DTNBP1: variants seen among roughly 807,000 people sequenced by gnomAD.
DTNBP1 encodes dysbindin.
DTNBP1 carries 35 observed loss-of-function variants against 42.8 expected under a neutral mutation model. The ratio of observed to expected loss-of-function variants is 0.82; its 90% CI spans 0.63 to 1.09. The LOEUF (loss-of-function observed/expected upper bound fraction) is 1.09. Among genes scored for constraint, DTNBP1 ranks in the 50% least tolerant of loss-of-function variants. The pLI, the probability that DTNBP1 is intolerant of heterozygous loss-of-function variation, is 0.00. For missense variants in DTNBP1, 457 were observed against 424.2 expected, an observed-to-expected ratio of 1.08 and a Z score of -0.68; for synonymous variants, 171 against 162.2, an observed-to-expected ratio of 1.05 and a Z score of -0.41.
chr6:15,627,278 C>A lies in DTNBP1; in HGVS notation c.355+65G>T, dbSNP rs1759402206. 5.6e-6 allele frequency: 9 copies of A among 1,597,210 alleles called. No homozygotes were observed. In the South Asian group the frequency reaches 7.8e-5, roughly 14 times the overall value. On this transcript the variant is annotated intron_variant, in intron 5 of 9. Transcript: ENST00000344537. ...GTGTTCCTGAAAAGCTCTGAAATTA[C>A]ACCAAACCCTGCCCAAGTTGTTTTC...
At chr6:15,565,946 A>C (rs185782886) in intron 7 of DTNBP1, among the ~76,000 whole-genome samples, 1 of 152,246 alleles carries the variant, frequency 6.6e-6, no homozygotes. Context: ...GGAGAAATAC[A>C]GAGTACTCTG....
chr6:15,584,849 C>T (rs1775996624), intron 7 of DTNBP1, among the ~76,000 whole-genome samples: 1 of 147,648 alleles, frequency 6.8e-6, no homozygotes, highest in Non-Finnish European at 1.5e-5. Flanking sequence ...AAAAATTATT[C>T]CTCAGTTACC....
chr6:15,603,821 T>A (rs1330477766), intron 6 of DTNBP1, among the ~76,000 whole-genome samples: 1 of 152,202 alleles, frequency 6.6e-6, no homozygotes, highest in Non-Finnish European at 1.5e-5. Flanking sequence ...GTCCGACTAT[T>A]GGGAAGAGGC....
chr6:15,581,217 T>TG (rs1775815503), intron 7 of DTNBP1, among the ~76,000 whole-genome samples: 1 of 152,244 alleles, frequency 6.6e-6, no homozygotes, highest in African/African-American at 2.4e-5. Context: ...TCTCACTCTG[T>TG]GGCCTAGGCT....
At chr6:15,615,539 G>T in intron 5 of DTNBP1, 140 bp from the exon 6 acceptor site, 1 of 1,126,520 alleles carries the variant, frequency 8.9e-7, no homozygotes, top group Non-Finnish European at 1.3e-6. Flanking sequence ...CTTTCTTGAA[G>T]CAAAATAAAA....
At chr6:15,610,965 A>G (rs563859257) in intron 6 of DTNBP1, among the ~76,000 whole-genome samples, 1 of 152,362 alleles carries the variant, frequency 6.6e-6, no homozygotes, top group East Asian at 1.9e-4. Context: ...TAGCTACGAT[A>G]ACTGATGAAG....
In DTNBP1 at chr6:15,545,109, A is replaced by G. The variant is rs531720756; in HGVS notation, c.512-11714T>C. ...AAATAAGGTATACACAACAATTTTT[A>G]AAGTCTCCCAATCTCCTGCCCCCAC... On this transcript the variant is annotated intron_variant, in intron 7 of 9. Coordinates refer to ENST00000344537, the MANE Select transcript of DTNBP1 (RefSeq NM_032122.5). Among the ~76,000 whole-genome samples the G allele has an allele frequency of 5.9e-5, 9 of 152,264 alleles. No homozygotes were observed. The South Asian group carries it at 1.9e-3, about 32-fold the overall frequency.
At position 15,587,864 on chromosome 6, in the gene DTNBP1, C is replaced by A. The variant is rs986316086; in HGVS notation, c.511+5195G>T. Among the ~76,000 whole-genome samples the A allele has an allele frequency of 2.0e-5, 3 of 152,192 alleles. No individual in the cohort carries two copies. Among genetic ancestry groups the A allele is most frequent in the Non-Finnish European group, 4.4e-5 (3 of 68,024 alleles). ...TAGTGTTGTCAAGGATGAGGAGAAA[C>A]TGCAGCCCTCACACACTGCTGATAG... On this transcript the variant is annotated intron_variant, in intron 7 of 9. Coordinates refer to ENST00000344537, the MANE Select transcript of DTNBP1 (RefSeq NM_032122.5). This position sits in a 1 kb window ranked among gnomAD's most constrained non-coding sequence, Gnocchi z 4.1.
intron 1 of DTNBP1, among the ~76,000 whole-genome samples, chr6:15,661,782 G>A (rs561155639): frequency 1.3e-5 from 2 of 152,288 alleles, no homozygotes; most frequent in African/African-American, 4.8e-5. Context: ...TCACTTTAAA[G>A]GAATGAAAAA....
chr6:15,589,945 T>C (rs570194350), intron 7 of DTNBP1, among the ~76,000 whole-genome samples: 1 of 152,236 alleles, frequency 6.6e-6, no homozygotes, highest in East Asian at 1.9e-4. Flanking sequence ...CTTCTTTTTT[T>C]GGAGACAGAG....
intron 7 of DTNBP1, among the ~76,000 whole-genome samples, chr6:15,551,843 C>A (rs967512309): frequency 1.3e-5 from 2 of 152,220 alleles, no homozygotes; most frequent in African/African-American, 4.8e-5. Flanking sequence ...ATATCAGGAG[C>A]AGCCTCACAA....
chr6:15,546,065 T>TC, intron 7 of DTNBP1: 1 of 283,852 alleles, frequency 3.5e-6, no homozygotes, highest in Admixed American at 4.0e-5. Flanking sequence ...CTCCAGTTCT[T>TC]TTTTTTTTTT....
rs1773251535 is a variant in DTNBP1 at position 15,536,731 on chromosome 6, T to G, written c.512-3336A>C. ...GAGTCCCCACTGGGGCACTGCCTAG[T>G]GGAGCTGTGAGAAGAGGGCCACTGC... On this transcript the variant is annotated intron_variant, in intron 7 of 9. Transcript: ENST00000344537. Among the ~76,000 whole-genome samples, 5 of 152,172 alleles carry G rather than the reference T, an allele frequency of 3.3e-5. No homozygotes were observed. The South Asian group carries it at 1.0e-3, about 32-fold the overall frequency.
rs1385055716 is a variant in DTNBP1 at position 15,624,822 on chromosome 6, A to G, written c.355+2521T>C. Among the ~76,000 whole-genome samples the G allele has an allele frequency of 5.9e-5, 9 of 152,188 alleles. No individual in the cohort carries two copies. The East Asian group carries it at 1.7e-3, about 29-fold the overall frequency. On this transcript the variant is annotated intron_variant, in intron 5 of 9. Transcript: ENST00000344537. ...AGAGATTTTGAGGCTTCCAAAAAAA[A>G]AAACCCAGTAAATGAGTAAGCATTT...
intron 8 of DTNBP1, among the ~76,000 whole-genome samples, chr6:15,526,754 CTT>C (rs1772431889): frequency 6.6e-6 from 1 of 152,210 alleles, no homozygotes; most frequent in Non-Finnish European, 1.5e-5. Context: ...CAAGGCCTGT[CTT>C]TTAGATCGTG....
At chr6:15,560,129 A>G (rs1201978024) in intron 7 of DTNBP1, among the ~76,000 whole-genome samples, 1 of 152,068 alleles carries the variant, frequency 6.6e-6, no homozygotes, top group Non-Finnish European at 1.5e-5. Flanking sequence ...AACAGGGGGA[A>G]CCCCATCTCT....
intron 7 of DTNBP1, among the ~76,000 whole-genome samples, chr6:15,562,472 T>C (rs1774887763): frequency 6.6e-6 from 1 of 152,240 alleles, no homozygotes; most frequent in Admixed American, 6.5e-5. Context: ...GTTTTAGTTT[T>C]CTGAGCAAGA....
chr6:15,579,984 GC>G (rs1312097989), intron 7 of DTNBP1: 4 of 232,732 alleles, frequency 1.7e-5, no homozygotes, highest in African/African-American at 9.1e-5. Context: ...AATAATAAAA[GC>G]AAAACAATTC....
chr6:15,623,132 T>C (rs1431407308), intron 5 of DTNBP1, among the ~76,000 whole-genome samples: 1 of 152,202 alleles, frequency 6.6e-6, no homozygotes, highest in Admixed American at 6.5e-5. Context: ...GAGATCTATG[T>C]AGTAGCCTAA....
Sources: gnomAD v4.1 joint callset for allele counts (sites outside exome capture counted in the v4.1 genomes callset) on GRCh38, gnomAD v4.1.1 for gene constraint, Gnocchi (gnomAD v3.1) non-coding constraint, MANE v1.5 for transcripts, NCBI Gene and HGNC (gene_info 2026-07-23, HGNC 2026-07-21) for gene names.